GSE1: variants seen among roughly 807,000 people sequenced by gnomAD.
GSE1 encodes the protein genetic suppressor element 1.
A neutral mutation model predicts 112.6 loss-of-function variants in GSE1; 32 were observed. That is an observed-to-expected ratio of 0.28 (90% CI 0.21 to 0.38). The LOEUF (loss-of-function observed/expected upper bound fraction) is 0.38. GSE1 is among the 10% of genes least tolerant of loss of function. The pLI, the probability that GSE1 is intolerant of heterozygous loss-of-function variation, is 1.00. For missense variants in GSE1, 2,348 were observed against 1,699.2 expected (o/e 1.38, Z -6.71); for synonymous variants, 1,115 against 735.6 (o/e 1.52, Z -8.35).
chr16:85,546,461 T>G (rs2044706005), intron 2 of GSE1, among the ~76,000 whole-genome samples: 1 of 152,168 alleles, frequency 6.6e-6, no homozygotes, highest in Admixed American at 6.5e-5. Flanking sequence ...TATTAGAAGT[T>G]GTACAGTAGA....
chr16:85,178,531 A>G (rs2074515131), intron 1 of GSE1, among the ~76,000 whole-genome samples: 1 of 152,042 alleles, frequency 6.6e-6, no homozygotes, highest in African/African-American at 2.4e-5. Flanking sequence ...GTCCCGGGCC[A>G]TGGTATTTTA....
intron 1 of GSE1, chr16:85,593,178 C>T (rs1252902379): frequency 2.6e-5 from 4 of 152,304 alleles, no homozygotes; most frequent in Non-Finnish European, 4.4e-5. Context: ...CCTGGTCTAT[C>T]GAGTGGGTCA....
At chr16:85,503,804 C>T (rs956216912) in intron 2 of GSE1, among the ~76,000 whole-genome samples, 7 of 152,158 alleles carry the variant, frequency 4.6e-5, no homozygotes, top group Admixed American at 2.6e-4. Flanking sequence ...GCCAAGCGGC[C>T]GTCATTTGAT....
At chr16:85,170,086 C>T in exon 1 of GSE1, 5 of 985,086 alleles carry the variant, frequency 5.1e-6, no homozygotes, top group African/African-American at 3.5e-5. Flanking sequence ...GCCCGACCCG[C>T]CCGCGCGGGA....
At chr16:85,254,767 CG>C (rs1865469753) in intron 1 of GSE1, among the ~76,000 whole-genome samples, 2 of 152,218 alleles carry the variant, frequency 1.3e-5, no homozygotes, top group South Asian at 4.1e-4. Flanking sequence ...AAGGGAAGGA[CG>C]CAGGCAGAGG....
chr16:85,547,279 G>T (rs2044733296), intron 2 of GSE1, among the ~76,000 whole-genome samples: 1 of 152,198 alleles, frequency 6.6e-6, no homozygotes, highest in South Asian at 2.1e-4. Context: ...AAACTGGGTG[G>T]CAGCTTAAAA....
intron 2 of GSE1, among the ~76,000 whole-genome samples, chr16:85,437,248 C>T (rs2049270411): frequency 6.6e-6 from 1 of 152,132 alleles, no homozygotes; most frequent in South Asian, 2.1e-4. Flanking sequence ...CACAGAGGCC[C>T]CCTGCACGCC....
At chr16:85,633,016 C>CGCT (rs2049673111) in intron 1 of GSE1, among the ~76,000 whole-genome samples, 3 of 150,500 alleles carry the variant, frequency 2.0e-5, no homozygotes, top group African/African-American at 5.0e-5. Flanking sequence ...CCTCTGGTGC[C>CGCT]GCCGCCGCCG....
chr16:85,341,573 G>A (rs1486504901), intron 1 of GSE1, among the ~76,000 whole-genome samples: 2 of 152,092 alleles, frequency 1.3e-5, no homozygotes, highest in East Asian at 1.9e-4. Context: ...CAGGAGAATC[G>A]CTTGAACCCG....
intron 2 of GSE1, among the ~76,000 whole-genome samples, chr16:85,494,554 C>T (rs1054067299): frequency 1.3e-4 from 20 of 152,094 alleles, no homozygotes; most frequent in African/African-American, 4.8e-4. Context: ...CAGGCATGCC[C>T]CACCACGCCC....
chr16:85,641,186 G>A (rs1443111269), intron 2 of GSE1, among the ~76,000 whole-genome samples: 5 of 152,304 alleles, frequency 3.3e-5, no homozygotes, highest in Admixed American at 2.0e-4. Flanking sequence ...CTTCTTCCTC[G>A]TCCTAACGTC....
At chr16:85,357,506 C>A in exon 2 of GSE1, 2 of 1,260,596 alleles carry the variant, frequency 1.6e-6, no homozygotes, top group Non-Finnish European at 2.1e-6. Flanking sequence ...AGCCACCCTC[C>A]CACCCGGGAG....
At chr16:85,428,218 GGGCCCGAGACAAGGTCCAGCCCC>G (rs1364419221) in intron 2 of GSE1, among the ~76,000 whole-genome samples, 2 of 152,220 alleles carry the variant, frequency 1.3e-5, no homozygotes, top group African/African-American at 2.4e-5. Flanking sequence ...GGCAGGCTGA[GGGCCCGAGACAAGGTCCAGCCCC>G]GGCCCTGGGC....
intron 2 of GSE1, among the ~76,000 whole-genome samples, chr16:85,399,103 T>C (rs555393080): frequency 2.0e-5 from 3 of 152,286 alleles, no homozygotes; most frequent in Admixed American, 6.5e-5. Flanking sequence ...TGTGTACATG[T>C]GTGTGTGAGG....
chr16:85,371,784 C>T (rs2047306603), intron 2 of GSE1, among the ~76,000 whole-genome samples: 1 of 152,184 alleles, frequency 6.6e-6, no homozygotes, highest in Admixed American at 6.5e-5. Flanking sequence ...TCACTGAATC[C>T]CACCCTCCTT....
chr16:85,223,101 C>G (rs111743062), intron 1 of GSE1, among the ~76,000 whole-genome samples: 1 of 152,104 alleles, frequency 6.6e-6, no homozygotes, highest in African/African-American at 2.4e-5. Context: ...GGCTGCCATA[C>G]CCATTTGTCT....
rs544917882 is a variant in GSE1, at chr16:85,229,750, A to G, written c.2283+57943A>G. 2.0e-5 allele frequency among the ~76,000 whole-genome samples: 3 copies of G among 152,344 alleles called. No homozygotes were observed. The East Asian group carries it at 5.8e-4, about 29-fold the overall frequency. ...GCGCAGTTCGCAGCTCCAGGGTACA[A>G]CAAATGAGCTTTTCCTTAAATCAGA... On this transcript the variant is annotated intron_variant, in intron 1 of 2. Transcript: ENST00000637419.
chr16:85,573,257 C>T (rs1415508351), intron 1 of GSE1, among the ~76,000 whole-genome samples: 2 of 152,136 alleles, frequency 1.3e-5, no homozygotes, highest in South Asian at 2.1e-4. Flanking sequence ...TTCTGAGTAG[C>T]GGTGACTACG....
intron 1 of GSE1, among the ~76,000 whole-genome samples, chr16:85,322,452 G>A (rs939295954): frequency 6.6e-6 from 1 of 152,078 alleles, no homozygotes; most frequent in Non-Finnish European, 1.5e-5. Flanking sequence ...CTAATCAGAG[G>A]AGGTTTGCAA....
Sources: gnomAD v4.1 joint callset for allele counts (sites outside exome capture counted in the v4.1 genomes callset) on GRCh38, gnomAD v4.1.1 for gene constraint, MANE v1.5 for transcripts, NCBI Gene and HGNC (gene_info 2026-07-23, HGNC 2026-07-21) for gene names.